BMP7: variants seen among roughly 807,000 people sequenced by gnomAD.
The protein encoded by BMP7 is bone morphogenetic protein 7.
In BMP7, 12 loss-of-function variants were observed where a neutral mutation model predicts 41.2. The ratio of observed to expected loss-of-function variants is 0.29; its 90% CI spans 0.19 to 0.47. The LOEUF (loss-of-function observed/expected upper bound fraction) is 0.47, where lower values mean the gene tolerates loss of function less well. Ranked by LOEUF, BMP7 falls within the 20% of genes least tolerant of loss-of-function variation. The pLI is 0.99. For synonymous variants in BMP7, 248 were observed against 250.0 expected, an observed-to-expected ratio of 0.99 and a Z score of 0.07; for missense variants, 467 against 606.0, an observed-to-expected ratio of 0.77 and a Z score of 2.41.
Position 57,183,969 on chromosome 20 carries a change from C to T in BMP7, c.761-50G>A, listed in dbSNP as rs375608259. On this transcript the variant is annotated intron_variant, in intron 3 of 6. Transcript: ENST00000395863. Reference sequence around the variant, plus strand: ...CAGAAGAGTAGTTACAGGAGGGCCACGAGCGGGACAGGGCTGCAGAGATGC... The same window carrying T: ...CAGAAGAGTAGTTACAGGAGGGCCATGAGCGGGACAGGGCTGCAGAGATGC... 7.3e-5 allele frequency: 117 copies of T among 1,594,564 alleles called. No homozygotes were observed. In the South Asian group the frequency reaches 1.1e-3, roughly 15 times the overall value.
chr20:57,239,418 G>A (rs993094906), intron 1 of BMP7, among the ~76,000 whole-genome samples: 5 of 152,188 alleles, frequency 3.3e-5, no homozygotes, highest in Non-Finnish European at 7.3e-5. Context: ...GCTTTGCAGG[G>A]TACGGCCTCC....
At chr20:57,227,378 C>T (rs760601452) in intron 2 of BMP7, among the ~76,000 whole-genome samples, 1 of 151,890 alleles carries the variant, frequency 6.6e-6, no homozygotes, top group African/African-American at 2.4e-5. Flanking sequence ...ACTTAGATGA[C>T]CATCCCCACC....
Position 57,215,104 on chromosome 20 carries a change from C to A in BMP7, c.612-12481G>T, listed in dbSNP as rs1984981688. Among the ~76,000 whole-genome samples, 1 of 152,234 alleles carries A rather than the reference C, an allele frequency of 6.6e-6. No individual in the cohort carries two copies. The highest frequency in any genetic ancestry group is 1.5e-5 in the Non-Finnish European group (1 of 68,046). ...GCCCACTCTATGTCCCACTGGGCAC[C>A]CACACTCCCAGGCCATGGGCACCCA... On this transcript the variant is annotated intron_variant, in intron 2 of 6. Coordinates refer to ENST00000395863, the MANE Select transcript of BMP7 (RefSeq NM_001719.3). The surrounding 1 kb of genome is among the most constrained non-coding windows in gnomAD (Gnocchi z 4.2).
chr20:57,202,440 G>C (rs1351670112), intron 3 of BMP7, 35 bp downstream of exon 3: 1 of 1,598,220 alleles, frequency 6.3e-7, no homozygotes, highest in Non-Finnish European at 8.5e-7. Context: ...AGGAGCACAG[G>C]CTGCATTAGG....
intron 1 of BMP7, among the ~76,000 whole-genome samples, chr20:57,232,144 G>A (rs953085399): frequency 6.6e-6 from 1 of 152,192 alleles, no homozygotes; most frequent in Non-Finnish European, 1.5e-5. Flanking sequence ...GTTTGATCTT[G>A]GCTGTGCCAC....
At position 57,214,880 on chromosome 20, in the gene BMP7, C is replaced by G. The variant is rs371808532; in HGVS notation, c.612-12257G>C. ...AGCGGCCTCTCCACCAGGCACACAG[C>G]TTAGCACAAAGCAGGCCTCAGATGC... On this transcript the variant is annotated intron_variant, in intron 2 of 6. Transcript: ENST00000395863. This position sits in a 1 kb window ranked among gnomAD's most constrained non-coding sequence, Gnocchi z 4.0. The G allele has an allele frequency of 1.3e-5, 2 of 152,400 alleles. No homozygotes were observed. The highest frequency in any genetic ancestry group is 4.8e-5 in the African/African-American group (2 of 41,584). 9.4% of individuals were successfully genotyped at this position (152,400 alleles called of 1,614,324 possible).
chr20:57,218,771 T>C (rs934389957), intron 2 of BMP7, among the ~76,000 whole-genome samples: 14 of 144,294 alleles, frequency 9.7e-5, no homozygotes, highest in Admixed American at 4.1e-4. Context: ...AGCTGGTGTT[T>C]GTTTGGTGGT....
chr20:57,175,074 T>C (rs773568800), intron 4 of BMP7, 67 bp from the exon 5 acceptor site: 4 of 1,481,262 alleles, frequency 2.7e-6, no homozygotes, highest in African/African-American at 1.4e-5. Context: ...ACATCAAAGT[T>C]CCCTCCATCT....
intron 2 of BMP7, among the ~76,000 whole-genome samples, chr20:57,204,595 G>A (rs1984692077): frequency 6.6e-6 from 1 of 152,190 alleles, no homozygotes; most frequent in African/African-American, 2.4e-5. Context: ...GGAACGAATC[G>A]GAGCTGCTTT....
At chr20:57,196,679 G>A (rs1344764337) in intron 3 of BMP7, among the ~76,000 whole-genome samples, 1 of 152,176 alleles carries the variant, frequency 6.6e-6, no homozygotes, top group Non-Finnish European at 1.5e-5. Flanking sequence ...AAAATCGGAA[G>A]ATAAAACATG....
At chr20:57,237,697 G>A (rs527838484) in intron 1 of BMP7, among the ~76,000 whole-genome samples, 16 of 152,344 alleles carry the variant, frequency 1.1e-4, no homozygotes, top group African/African-American at 3.8e-4. Flanking sequence ...TTGGGAGAAG[G>A]GAGGAGAATG....
At chr20:57,186,737 G>A (rs530895920) in intron 3 of BMP7, among the ~76,000 whole-genome samples, 1 of 152,114 alleles carries the variant, frequency 6.6e-6, no homozygotes, top group Non-Finnish European at 1.5e-5. Context: ...TCCCCCAGAC[G>A]GGCCAGAAGT....
chr20:57,186,641 T>C (rs1240489257), intron 3 of BMP7, among the ~76,000 whole-genome samples: 1 of 152,064 alleles, frequency 6.6e-6, no homozygotes, highest in African/African-American at 2.4e-5. Flanking sequence ...CCTCTGCAGA[T>C]ACGGTGCCCC....
chr20:57,234,140 A>G (rs1414678315), intron 1 of BMP7, among the ~76,000 whole-genome samples: 1 of 151,920 alleles, frequency 6.6e-6, no homozygotes, highest in Non-Finnish European at 1.5e-5. Context: ...TCACTGTCCC[A>G]GTTGAGCCAT....
chr20:57,235,613 C>T (rs927350485), intron 1 of BMP7, among the ~76,000 whole-genome samples: 5 of 152,088 alleles, frequency 3.3e-5, no homozygotes, highest in Non-Finnish European at 5.9e-5. Flanking sequence ...TAAGGAAGAA[C>T]GGAGGCCCAC....
At chr20:57,193,045 C>A (rs897204999) in intron 3 of BMP7, among the ~76,000 whole-genome samples, 1 of 152,120 alleles carries the variant, frequency 6.6e-6, no homozygotes, top group East Asian at 1.9e-4. Context: ...CATGGCTTTG[C>A]TGGTTTCTTC....
chr20:57,225,077 C>A (rs1568721625), intron 2 of BMP7, among the ~76,000 whole-genome samples: 2 of 152,206 alleles, frequency 1.3e-5, no homozygotes, highest in Non-Finnish European at 2.9e-5. Flanking sequence ...ACAGAGGCAG[C>A]CACATGGCGG....
chr20:57,249,241 T>C (rs1009180895), intron 1 of BMP7, among the ~76,000 whole-genome samples: 1 of 151,968 alleles, frequency 6.6e-6, no homozygotes, highest in African/African-American at 2.4e-5. Context: ...ACCCAGAGGG[T>C]CCTTAAGTGT....
intron 1 of BMP7, among the ~76,000 whole-genome samples, chr20:57,245,338 T>G (rs567277872): frequency 2.8e-5 from 4 of 143,126 alleles, no homozygotes; most frequent in South Asian, 2.2e-4. Flanking sequence ...AAAAGTGGTG[T>G]TTTTTTTTAA....
Sources: gnomAD v4.1 joint callset for allele counts (sites outside exome capture counted in the v4.1 genomes callset) on GRCh38, gnomAD v4.1.1 for gene constraint, Gnocchi (gnomAD v3.1) non-coding constraint, MANE v1.5 for transcripts, NCBI Gene and HGNC (gene_info 2026-07-23, HGNC 2026-07-21) for gene names.